Variants in PACRG observed in about 807,000 individuals in gnomAD.
PACRG encodes parkin coregulated gene protein.
PACRG carries 29 observed loss-of-function variants against 29.7 expected under a neutral mutation model. That is an observed-to-expected ratio of 0.98 (90% confidence interval 0.73 to 1.33). PACRG has a LOEUF of 1.33. PACRG is among the 40% of genes most tolerant of loss of function. The pLI is 0.00. For missense variants in PACRG, 279 were observed against 316.2 expected, an observed-to-expected ratio of 0.88 and a Z score of 0.89; for synonymous variants, 116 against 118.7, an observed-to-expected ratio of 0.98 and a Z score of 0.15.
intron 2 of PACRG, among the ~76,000 whole-genome samples, chr6:162,870,062 G>A (rs1792668600): frequency 6.6e-6 from 1 of 152,164 alleles, no homozygotes; most frequent in Non-Finnish European, 1.5e-5. Context: ...CTCTTTGAAA[G>A]GCTTCTGAGA....
intron 1 of PACRG, among the ~76,000 whole-genome samples, chr6:162,743,215 G>T (rs912457921): frequency 6.6e-6 from 1 of 151,960 alleles, no homozygotes; most frequent in Non-Finnish European, 1.5e-5. Context: ...TAAAAAATTT[G>T]TTCTTTTGCT....
intron 4 of PACRG, among the ~76,000 whole-genome samples, chr6:163,183,886 G>A (rs907035249): frequency 2.0e-5 from 3 of 152,172 alleles, no homozygotes; most frequent in Non-Finnish European, 4.4e-5. Context: ...TTAATACAAA[G>A]CAATGCAACA....
chr6:163,231,538 A>T (rs1429577411), intron 4 of PACRG, among the ~76,000 whole-genome samples: 1 of 152,152 alleles, frequency 6.6e-6, no homozygotes, highest in East Asian at 1.9e-4. Flanking sequence ...ATACAGATGG[A>T]TCAGCAACTT....
chr6:163,197,441 T>TTCTTTTC (rs1562959287), intron 4 of PACRG, among the ~76,000 whole-genome samples: 1 of 133,260 alleles, frequency 7.5e-6, no homozygotes, highest in African/African-American at 3.1e-5. Context: ...TTTCTTTTTT[T>TTCTTTTC]TTTTTTTTTT....
intron 1 of PACRG, among the ~76,000 whole-genome samples, chr6:162,801,836 G>A (rs1403494522): frequency 6.6e-6 from 1 of 151,976 alleles, no homozygotes; most frequent in African/African-American, 2.4e-5. Context: ...AGAAAATTCA[G>A]ACAAATTAAT....
At chr6:163,073,001 C>G (rs1228294605) in intron 3 of PACRG, among the ~76,000 whole-genome samples, 1 of 152,074 alleles carries the variant, frequency 6.6e-6, no homozygotes, top group African/African-American at 2.4e-5. Context: ...TTGGAAGAAT[C>G]GATTTTATTA....
chr6:162,895,953 T>C (rs1002791096), intron 2 of PACRG, among the ~76,000 whole-genome samples: 1 of 152,226 alleles, frequency 6.6e-6, no homozygotes, highest in African/African-American at 2.4e-5. Context: ...CCAGGCTTTT[T>C]TCTTCTTTTA....
chr6:162,852,173 T>C (rs1307172146), intron 2 of PACRG, among the ~76,000 whole-genome samples: 1 of 152,216 alleles, frequency 6.6e-6, no homozygotes, highest in African/African-American at 2.4e-5. Flanking sequence ...AACCCAGGGC[T>C]TGATCCTTCT....
intron 2 of PACRG, among the ~76,000 whole-genome samples, chr6:163,041,910 G>A (rs1361452260): frequency 6.6e-6 from 1 of 152,192 alleles, no homozygotes; most frequent in Non-Finnish European, 1.5e-5. Flanking sequence ...TTGTTGCCCA[G>A]GCTGGAGTGC....
intron 2 of PACRG, among the ~76,000 whole-genome samples, chr6:163,030,188 G>T (rs1366541942): frequency 6.8e-6 from 1 of 147,418 alleles, no homozygotes; most frequent in Admixed American, 6.8e-5. Flanking sequence ...GGCATCACTG[G>T]CATATGAAAC....
At chr6:163,138,361 A>G (rs904269893) in intron 4 of PACRG, among the ~76,000 whole-genome samples, 2 of 152,096 alleles carry the variant, frequency 1.3e-5, no homozygotes, top group Non-Finnish European at 2.9e-5. Context: ...CAAATGGACA[A>G]TCCGTCAGTG....
At chr6:163,025,932 A>C (rs779557346) in intron 2 of PACRG, among the ~76,000 whole-genome samples, 14 of 152,252 alleles carry the variant, frequency 9.2e-5, no homozygotes, top group Non-Finnish European at 2.1e-4. Context: ...TTTAGCTGTA[A>C]ATATACATAA....
intron 1 of PACRG, among the ~76,000 whole-genome samples, chr6:162,806,553 A>G (rs1328145240): frequency 6.6e-6 from 1 of 152,198 alleles, no homozygotes; most frequent in Admixed American, 6.5e-5. Context: ...AGCTCTAGGG[A>G]TACCAAGAGC....
intron 4 of PACRG, among the ~76,000 whole-genome samples, chr6:163,121,746 A>G (rs1220623846): frequency 6.6e-6 from 1 of 150,872 alleles, no homozygotes; most frequent in African/African-American, 2.4e-5. Flanking sequence ...GCTCACTGCA[A>G]GCTCCGCCTC....
intron 2 of PACRG, among the ~76,000 whole-genome samples, chr6:163,030,866 G>A (rs1180080649): frequency 6.6e-6 from 1 of 152,170 alleles, no homozygotes; most frequent in Non-Finnish European, 1.5e-5. Flanking sequence ...GTTTTGGTAG[G>A]TTTTAGCCAG....
intron 2 of PACRG, 165 bp downstream of exon 2, chr6:162,814,446 C>A: frequency 2.6e-6 from 2 of 756,464 alleles, no homozygotes; most frequent in Non-Finnish European, 4.0e-6. Flanking sequence ...AGCCATCCAC[C>A]TTGACTAACA....
At chr6:163,286,940 A>G (rs1367138627) in intron 4 of PACRG, among the ~76,000 whole-genome samples, 1 of 151,948 alleles carries the variant, frequency 6.6e-6, no homozygotes, top group Non-Finnish European at 1.5e-5. Context: ...GTGACTGTGG[A>G]TGTGTGCTTG....
chr6:163,070,530 C>CA (rs931913203), intron 3 of PACRG, among the ~76,000 whole-genome samples: 2 of 151,468 alleles, frequency 1.3e-5, no homozygotes, highest in Non-Finnish European at 3.0e-5. Flanking sequence ...TAACTCAAAT[C>CA]AAAAAACATA....
At chr6:163,211,147 A>C (rs1233066702) in intron 4 of PACRG, among the ~76,000 whole-genome samples, 1 of 152,176 alleles carries the variant, frequency 6.6e-6, no homozygotes, top group Admixed American at 6.5e-5. Flanking sequence ...TTATGACAGC[A>C]ACACTTAAAG....
Sources: gnomAD v4.1 joint callset for allele counts (sites outside exome capture counted in the v4.1 genomes callset) on GRCh38, gnomAD v4.1.1 for gene constraint, MANE v1.5 for transcripts, NCBI Gene and HGNC (gene_info 2026-07-23, HGNC 2026-07-21) for gene names.